Variants in RAB5A observed in about 807,000 individuals in gnomAD.
RAB5A encodes the protein RAB5A, member RAS oncogene family.
In RAB5A, 8 loss-of-function variants were observed where a neutral mutation model predicts 25.7. That is an observed-to-expected ratio of 0.31 (90% CI 0.18 to 0.56). RAB5A has a LOEUF of 0.56. Ranked by LOEUF, RAB5A falls within the 20% of genes least tolerant of loss-of-function variation. The probability of loss-of-function intolerance (pLI) is 0.91; values close to 1 mark genes in which losing one functional copy is unlikely to be tolerated. For synonymous variants in RAB5A, 98 were observed against 89.8 expected, an observed-to-expected ratio of 1.09 and a Z score of -0.52; for missense variants, 192 against 259.7, an observed-to-expected ratio of 0.74 and a Z score of 1.79.
At position 19,983,790 on chromosome 3, in the gene RAB5A, A is replaced by C; in HGVS notation, c.615A>C (p.Thr205=). 6.2e-7 allele frequency: 1 copy of C among 1,611,216 alleles called. No homozygotes were observed. The highest frequency in any genetic ancestry group is 8.5e-7 in the Non-Finnish European group (1 of 1,177,964). ...RGRGVDLTEP[T]QPTRNQCCSN The stretch of plus-strand genomic sequence containing the variant: ...GAGGAGTAGACCTTACCGAACCCAC[A>C]CAACCAACCAGGAATCAGTGTTGTA... The change falls in exon 6 of 6, where the codon ACA becomes ACC. Residue 205 remains threonine, a synonymous_variant. Transcript: ENST00000273047.
At chr3:19,981,502 T>G (rs2125133526) in intron 5 of RAB5A, among the ~76,000 whole-genome samples, 1 of 151,994 alleles carries the variant, frequency 6.6e-6, no homozygotes, top group South Asian at 2.1e-4. Context: ...TAGTCCCAGC[T>G]ACTTGGGAGG....
chr3:19,959,119 C>T (rs2125182296), intron 2 of RAB5A, among the ~76,000 whole-genome samples: 1 of 152,252 alleles, frequency 6.6e-6, no homozygotes, highest in East Asian at 1.9e-4. Flanking sequence ...TCCTCTGGTG[C>T]TTTGGAAGTA....
rs1163980683 is a variant in RAB5A, at chr3:19,947,472, C to G, written c.-143C>G. 1 of 153,238 alleles carries G rather than the reference C, an allele frequency of 6.5e-6. No homozygotes were observed. Among genetic ancestry groups the G allele is most frequent in the East Asian group, 1.9e-4 (1 of 5,160 alleles). The allele number at this position is 153,238 out of a possible 1,614,324, so 9.5% of individuals were successfully genotyped here. Reference sequence around the variant, plus strand: ...CTCATCCTACGGGCCACGCCTGGGCCTTGCTGCCAGGAAGCTTCGGCCCCG... The same window carrying G: ...CTCATCCTACGGGCCACGCCTGGGCGTTGCTGCCAGGAAGCTTCGGCCCCG... On this transcript the variant is annotated 5_prime_UTR_variant, in exon 1 of 6. Transcript: ENST00000273047.
At chr3:19,963,333 A>G (rs1213762113) in intron 2 of RAB5A, among the ~76,000 whole-genome samples, 2 of 147,190 alleles carry the variant, frequency 1.4e-5, no homozygotes, top group Non-Finnish European at 3.0e-5. Context: ...TGTTTTAGGT[A>G]ATCACCTAAT....
intron 2 of RAB5A, among the ~76,000 whole-genome samples, chr3:19,963,749 A>G (rs1227104978): frequency 1.3e-5 from 2 of 151,982 alleles, no homozygotes; most frequent in Admixed American, 1.3e-4. Flanking sequence ...GGCTCAAATG[A>G]TCCTCCCACC....
intron 5 of RAB5A, among the ~76,000 whole-genome samples, chr3:19,982,199 C>T (rs919302418): frequency 2.0e-5 from 3 of 152,100 alleles, no homozygotes; most frequent in Admixed American, 6.5e-5. Context: ...GATTGATGCA[C>T]CACACTCTAA....
intron 1 of RAB5A, 28 bp from the exon 2 acceptor site, chr3:19,950,778 T>TTTGTAAATTTGTAAATTTGTAA: frequency 1.0e-6 from 1 of 973,570 alleles, no homozygotes; most frequent in Non-Finnish European, 1.5e-6. Flanking sequence ...CTGATTTGTA[T>TTTGTAAATTTGTAAATTTGTAA]ATTTAATTCA....
chr3:19,954,288 T>TA (rs1404363029), intron 2 of RAB5A, among the ~76,000 whole-genome samples: 1 of 152,194 alleles, frequency 6.6e-6, no homozygotes, highest in Non-Finnish European at 1.5e-5. Context: ...GTGCTGGAAT[T>TA]ATAGGCGTGA....
rs1322218922 is a variant in RAB5A at position 19,984,167 on chromosome 3, A to C, written c.*344A>C. On this transcript the variant is annotated 3_prime_UTR_variant, in exon 6 of 6. Transcript: ENST00000273047. ...ATTTCTCCACACTGGTACAGTAGTC[A>C]CCTGTGAAAAAAAAATTGGAACTTA... 841 of 320,600 alleles carry C rather than the reference A, an allele frequency of 2.6e-3. 5 individuals are homozygous for C. Among genetic ancestry groups the C allele is most frequent in the Non-Finnish European group, 3.9e-3 (672 of 173,190 alleles). 19.9% of individuals were successfully genotyped at this position (320,600 alleles called of 1,614,324 possible).
chr3:19,959,099 T>C (rs1696547200), intron 2 of RAB5A, among the ~76,000 whole-genome samples: 1 of 152,228 alleles, frequency 6.6e-6, no homozygotes, highest in African/African-American at 2.4e-5. Context: ...CCGTGCTTAA[T>C]GTGTTGATGT....
At chr3:19,959,288 GA>G (rs1696549979) in intron 2 of RAB5A, among the ~76,000 whole-genome samples, 1 of 152,094 alleles carries the variant, frequency 6.6e-6, no homozygotes, top group Non-Finnish European at 1.5e-5. Context: ...TCTAAAACTA[GA>G]AATCAGGGAC....
Position 19,980,706 on chromosome 3 carries a change from G to A in RAB5A, c.532+2303G>A, listed in dbSNP as rs545357825. Among the ~76,000 whole-genome samples the A allele has an allele frequency of 3.3e-5, 5 of 152,176 alleles. No homozygotes were observed. In the East Asian group the frequency reaches 5.8e-4, roughly 18 times the overall value. ...TATATAGTGCTATTTTGTGTCCCAG[G>A]TACCAGTGTTCAACATTTCTGGGGC... On this transcript the variant is annotated intron_variant, in intron 5 of 5. Coordinates refer to ENST00000273047, the MANE Select transcript of RAB5A (RefSeq NM_004162.5).
chr3:19,960,379 C>A (rs749035674), intron 2 of RAB5A, among the ~76,000 whole-genome samples: 10 of 152,172 alleles, frequency 6.6e-5, no homozygotes, highest in Non-Finnish European at 1.0e-4. Flanking sequence ...TGGCTCACTG[C>A]AGCCTCAACT....
Position 19,975,853 on chromosome 3 carries a change from T to C in RAB5A, c.315+101T>C. 6 of 1,381,226 alleles carry C rather than the reference T, an allele frequency of 4.3e-6. No individual in the cohort carries two copies. In the Admixed American group the frequency reaches 7.2e-5, roughly 17 times the overall value. 85.6% of individuals were successfully genotyped at this position (1,381,226 alleles called of 1,614,324 possible). A position where few individuals can be genotyped will look rare whatever the true frequency, so the allele number is the denominator to read the frequency against. On this transcript the variant is annotated intron_variant, in intron 3 of 5. Transcript: ENST00000273047. ...TTGGAAAATCTTTTTCTGATAGTCA[T>C]GACCTTTCTGCTGAAGCTTTTGTGA...
chr3:19,961,241 AT>A (rs1394376093), intron 2 of RAB5A, among the ~76,000 whole-genome samples: 3 of 152,192 alleles, frequency 2.0e-5, no homozygotes, highest in East Asian at 3.8e-4. Flanking sequence ...GAAGGTACTA[AT>A]TTTATAGACA....
chr3:19,979,069 C>G (rs147430460), intron 5 of RAB5A, among the ~76,000 whole-genome samples: 1 of 151,872 alleles, frequency 6.6e-6, no homozygotes, highest in East Asian at 1.9e-4. Flanking sequence ...CTCCACTTCC[C>G]GGATTCAAGC....
chr3:19,976,311 A>C (rs762757486), intron 4 of RAB5A, 142 bp downstream of exon 4: 1 of 907,792 alleles, frequency 1.1e-6, no homozygotes, highest in Non-Finnish European at 1.6e-6. Flanking sequence ...AAAGTACTAC[A>C]TATAATAAAA....
intron 2 of RAB5A, among the ~76,000 whole-genome samples, chr3:19,959,733 C>T (rs534721167): frequency 6.7e-4 from 100 of 149,970 alleles, no homozygotes; most frequent in African/African-American, 2.2e-3. Context: ...GTCAAGCAGT[C>T]GTCTCACCTC....
chr3:19,978,330 T>C lies in RAB5A; in HGVS notation c.459T>C (p.Asp153=), dbSNP rs1284969344. Reference sequence around the variant, plus strand: ...AACAGGAAGCACAGTCCTATGCAGATGACAATAGTTTATTATTCATGGAGA... The same window carrying C: ...AACAGGAAGCACAGTCCTATGCAGACGACAATAGTTTATTATTCATGGAGA... The part of the protein sequence containing the change: ...VDFQEAQSYA[D]DNSLLFMETS... Residue 153 remains aspartate, a synonymous_variant, in exon 5 of 6, where the codon GAT becomes GAC. Coordinates refer to ENST00000273047, the MANE Select transcript of RAB5A (RefSeq NM_004162.5). The C allele has an allele frequency of 6.2e-7, 1 of 1,610,172 alleles. No homozygotes were observed. Among genetic ancestry groups the C allele is most frequent in the South Asian group, 1.1e-5 (1 of 90,968 alleles).
Sources: gnomAD v4.1 joint callset for allele counts (sites outside exome capture counted in the v4.1 genomes callset) on GRCh38, gnomAD v4.1.1 for gene constraint, MANE v1.5 for transcripts, NCBI Gene and HGNC (gene_info 2026-07-23, HGNC 2026-07-21) for gene names.